Variants in GBP7 observed in about 807,000 individuals in gnomAD.
GBP7 encodes the protein guanylate-binding protein 7.
GBP7 carries 43 observed loss-of-function variants against 61.3 expected under a neutral mutation model. The observed-to-expected ratio is 0.70, with a 90% CI of 0.55 to 0.91. The LOEUF (loss-of-function observed/expected upper bound fraction) is 0.91, where lower values mean the gene tolerates loss of function less well. Ranked by LOEUF, GBP7 falls within the 40% of genes least tolerant of loss-of-function variation. The probability of loss-of-function intolerance (pLI) is 0.00; values close to 1 mark genes in which losing one functional copy is unlikely to be tolerated. For missense variants in GBP7, 717 were observed against 740.5 expected, an observed-to-expected ratio of 0.97 and a Z score of 0.37; for synonymous variants, 267 against 271.0, an observed-to-expected ratio of 0.99 and a Z score of 0.14.
At chr1:89,157,607 G>A (rs1163232852) in intron 3 of GBP7, among the ~76,000 whole-genome samples, 1 of 152,098 alleles carries the variant, frequency 6.6e-6, no homozygotes, top group Non-Finnish European at 1.5e-5. Flanking sequence ...AAATCTAGAA[G>A]AAATGGATAA....
At chr1:89,172,322 GTCCTTCTGCTTCATGATCCAA>G (rs1647627389) in intron 1 of GBP7, among the ~76,000 whole-genome samples, 1 of 152,186 alleles carries the variant, frequency 6.6e-6, no homozygotes, top group Admixed American at 6.5e-5. Context: ...TCCCACTAAT[GTCCTTCTGCTTCATGATCCAA>G]TCCAGGATCC....
chr1:89,142,159 A>C (rs1681969055), intron 8 of GBP7, among the ~76,000 whole-genome samples: 1 of 152,194 alleles, frequency 6.6e-6, no homozygotes, highest in South Asian at 2.1e-4. Flanking sequence ...AATGTATTCA[A>C]ATTTAATTTA....
intron 3 of GBP7, among the ~76,000 whole-genome samples, chr1:89,163,059 C>T (rs1311969955): frequency 6.6e-6 from 1 of 152,042 alleles, no homozygotes; most frequent in African/African-American, 2.4e-5. Flanking sequence ...TGGGATGAAT[C>T]ACATTTATTG....
chr1:89,133,227 T>C, intron 10 of GBP7, 31 bp downstream of exon 10: 1 of 1,577,586 alleles, frequency 6.3e-7, no homozygotes, highest in Non-Finnish European at 8.7e-7. Context: ...GCATTGTGCC[T>C]CAAGCACTGC....
intron 1 of GBP7, among the ~76,000 whole-genome samples, chr1:89,174,616 T>C (rs1240477605): frequency 6.6e-6 from 1 of 152,186 alleles, no homozygotes; most frequent in Non-Finnish European, 1.5e-5. Context: ...TGGTCCTGAT[T>C]TCTTGCAAGC....
At chr1:89,156,014 A>G (rs1276599774) in intron 3 of GBP7, among the ~76,000 whole-genome samples, 1 of 152,238 alleles carries the variant, frequency 6.6e-6, no homozygotes, top group Non-Finnish European at 1.5e-5. Context: ...ATCTCTTGGC[A>G]GAAACTCTAC....
intron 6 of GBP7, among the ~76,000 whole-genome samples, chr1:89,149,830 C>T (rs1682152791): frequency 6.6e-6 from 1 of 151,346 alleles, no homozygotes; most frequent in African/African-American, 2.4e-5. Context: ...TTACTAATCA[C>T]AAACAATATG....
Position 89,171,756 on chromosome 1 carries a change from C to T in GBP7, c.180G>A (p.Gly60=). The T allele has an allele frequency of 6.2e-7, 1 of 1,612,596 alleles. No individual in the cohort carries two copies. Among genetic ancestry groups the T allele is most frequent in the East Asian group, 2.2e-5 (1 of 44,848 alleles). The change falls in exon 2 of 11, where the codon GGG becomes GGA. Residue 60 remains glycine, a synonymous_variant. Transcript: ENST00000294671. ...GCTGGTGCCACTCACCTTTGTTCTTCCCAGCCAGCTTGTTCATTAGGTAGG... is the reference window on the plus strand; with the variant it reads ...GCTGGTGCCACTCACCTTTGTTCTTTCCAGCCAGCTTGTTCATTAGGTAGG... ...GKSYLMNKLA[G]KNKGFPLGCT... is the part of the protein sequence containing the mutation.
intron 3 of GBP7, among the ~76,000 whole-genome samples, chr1:89,164,042 G>T (rs975862501): frequency 6.6e-6 from 1 of 151,934 alleles, no homozygotes; most frequent in Non-Finnish European, 1.5e-5. Context: ...GCTAATTTTT[G>T]CATTTTCAGT....
chr1:89,170,803 A>G (rs1345833016), intron 2 of GBP7, among the ~76,000 whole-genome samples: 1 of 152,186 alleles, frequency 6.6e-6, no homozygotes, highest in African/African-American at 2.4e-5. Flanking sequence ...CCTTGCGACA[A>G]AGGCTACTTC....
At chr1:89,174,382 T>A (rs1470329644) in intron 1 of GBP7, among the ~76,000 whole-genome samples, 1 of 152,176 alleles carries the variant, frequency 6.6e-6, no homozygotes, top group Non-Finnish European at 1.5e-5. Context: ...ATCTTGTATG[T>A]CATTTTCTAG....
intron 2 of GBP7, among the ~76,000 whole-genome samples, chr1:89,165,910 G>GTA (rs1396459021): frequency 2.2e-4 from 33 of 151,822 alleles, no homozygotes; most frequent in African/African-American, 8.0e-4. Context: ...TGAACTTAAA[G>GTA]TACATATATA....
At chr1:89,144,494 C>G (rs1266986675) in intron 8 of GBP7, among the ~76,000 whole-genome samples, 1 of 152,078 alleles carries the variant, frequency 6.6e-6, no homozygotes, top group Non-Finnish European at 1.5e-5. Flanking sequence ...ATTTGCAATC[C>G]CACTAGCAGT....
chr1:89,132,139 A>G lies in GBP7; in HGVS notation c.*10T>C, dbSNP rs1205724716. On this transcript the variant is annotated 3_prime_UTR_variant, in exon 11 of 11. Coordinates refer to ENST00000294671, the MANE Select transcript of GBP7 (RefSeq NM_207398.3). ...AGCAACAGCGTTATACCATTTTAACAAAAGAAACCTCAGCTTATAATTTTC... is the reference window on the plus strand; with the variant it reads ...AGCAACAGCGTTATACCATTTTAACGAAAGAAACCTCAGCTTATAATTTTC... 1.9e-6 allele frequency: 3 copies of G among 1,591,634 alleles called. No homozygotes were observed. The highest frequency in any genetic ancestry group is 2.6e-6 in the Non-Finnish European group (3 of 1,170,938).
At chr1:89,141,380 G>C (rs1681944131) in intron 9 of GBP7, among the ~76,000 whole-genome samples, 166 bp downstream of exon 9, 2 of 152,180 alleles carry the variant, frequency 1.3e-5, no homozygotes, top group Admixed American at 1.3e-4. Context: ...AAACTAAGTG[G>C]CTGGATGTTC....
At chr1:89,156,247 G>A (rs980891004) in intron 3 of GBP7, among the ~76,000 whole-genome samples, 5 of 152,126 alleles carry the variant, frequency 3.3e-5, no homozygotes, top group African/African-American at 1.2e-4. Context: ...CACTGCAAAA[G>A]CATGCCAAAT....
intron 5 of GBP7, among the ~76,000 whole-genome samples, chr1:89,151,114 G>T (rs1174580173): frequency 6.6e-6 from 1 of 151,906 alleles, no homozygotes; most frequent in Admixed American, 6.6e-5. Context: ...ATACAATATT[G>T]TTAAGGATAG....
At chr1:89,134,005 T>A (rs754935795) in intron 9 of GBP7, among the ~76,000 whole-genome samples, 5 of 152,184 alleles carry the variant, frequency 3.3e-5, no homozygotes, top group Non-Finnish European at 7.3e-5. Context: ...AGAACTGGGC[T>A]ATCTTGCCTG....
At chr1:89,155,236 C>G (rs576357594) in intron 3 of GBP7, among the ~76,000 whole-genome samples, 1 of 152,322 alleles carries the variant, frequency 6.6e-6, no homozygotes, top group South Asian at 2.1e-4. Context: ...GATAAAACCA[C>G]AAAGATGGGG....
Sources: gnomAD v4.1 joint callset for allele counts (sites outside exome capture counted in the v4.1 genomes callset) on GRCh38, gnomAD v4.1.1 for gene constraint, MANE v1.5 for transcripts, NCBI Gene and HGNC (gene_info 2026-07-23, HGNC 2026-07-21) for gene names.